The following NDRG3 variants were observed in gnomAD, a reference collection of about 807,000 sequenced individuals.
NDRG3 encodes NDRG family member 3.
NDRG3 carries 23 observed loss-of-function variants against 57.2 expected under a neutral mutation model. The ratio of observed to expected loss-of-function variants is 0.40; its 90% CI spans 0.29 to 0.57. The LOEUF (loss-of-function observed/expected upper bound fraction) is 0.57, where lower values mean the gene tolerates loss of function less well. Ranked by LOEUF, NDRG3 falls within the 20% of genes least tolerant of loss-of-function variation. NDRG3 has a pLI of 0.42. For synonymous variants in NDRG3, 132 were observed against 162.6 expected (o/e 0.81, Z 1.43); for missense variants, 384 against 457.3 (o/e 0.84, Z 1.46).
intron 10 of NDRG3, 63 bp downstream of exon 10, chr20:36,666,226 C>A: frequency 3.2e-6 from 4 of 1,256,012 alleles, no homozygotes; most frequent in East Asian, 2.3e-5. Flanking sequence ...CTCTCTCCTT[C>A]TCCCACCCTC....
intron 1 of NDRG3, among the ~76,000 whole-genome samples, chr20:36,726,891 C>T (rs943405378): frequency 1.3e-5 from 2 of 151,664 alleles, no homozygotes; most frequent in Non-Finnish European, 2.9e-5. Context: ...CATAACAATC[C>T]TCTCTGGTAG....
intron 4 of NDRG3, 44 bp downstream of exon 4, chr20:36,688,635 G>A: frequency 1.5e-6 from 2 of 1,367,772 alleles, no homozygotes; most frequent in Non-Finnish European, 2.1e-6. Flanking sequence ...AACATACAAA[G>A]ATCAAGTATG....
intron 3 of NDRG3, 112 bp downstream of exon 3, chr20:36,706,860 G>A (rs1187037529): frequency 1.2e-6 from 1 of 860,518 alleles, no homozygotes; most frequent in Non-Finnish European, 1.8e-6. Context: ...GAACATTAAG[G>A]ACTCATTATT....
rs1459966892 is a variant in NDRG3 at position 36,653,580 on chromosome 20, T to C, written c.1068A>G (p.Gln356=). The change falls in exon 16 of 16, where the codon CAA becomes CAG. Residue 356 remains glutamine, a synonymous_variant. Coordinates refer to ENST00000349004, the MANE Select transcript of NDRG3 (RefSeq NM_032013.4). The surrounding 1 kb of genome is among the most constrained non-coding windows in gnomAD (Gnocchi z 4.2). ...SVTSNQSDGT[Q]ESCESPDVLD... is the part of the protein sequence containing the mutation. ...GGACATCAGGGGACTCACAGGATTC[T>C]TGAGTTCCATCTGACTGATTGCTGG... The C allele has an allele frequency of 6.2e-7, 1 of 1,614,214 alleles. No homozygotes were observed. The highest frequency in any genetic ancestry group is 2.2e-5 in the East Asian group (1 of 44,890).
intron 3 of NDRG3, 51 bp downstream of exon 3, chr20:36,706,921 A>G (rs779348554): frequency 7.3e-6 from 11 of 1,516,544 alleles, no homozygotes; most frequent in Non-Finnish European, 1.0e-5. Flanking sequence ...AGGAAAGGAA[A>G]CACTGCAGAG....
intron 1 of NDRG3, among the ~76,000 whole-genome samples, chr20:36,730,854 C>T (rs755836666): frequency 6.6e-6 from 1 of 150,376 alleles, no homozygotes; most frequent in Non-Finnish European, 1.5e-5. Flanking sequence ...ATGAGAATCA[C>T]TTAAAACTGG....
intron 2 of NDRG3, among the ~76,000 whole-genome samples, chr20:36,711,298 T>A (rs563259784): frequency 2.5e-4 from 37 of 150,650 alleles, no homozygotes; most frequent in African/African-American, 8.3e-4. Context: ...ATAATAATAA[T>A]AAATAAATAA....
chr20:36,658,229 T>A (rs1384142225), intron 13 of NDRG3, among the ~76,000 whole-genome samples: 1 of 152,138 alleles, frequency 6.6e-6, no homozygotes, highest in Non-Finnish European at 1.5e-5. Context: ...CCTCCCAGGT[T>A]CAAGCGATTC....
At chr20:36,707,117 A>G (rs1339169975) in intron 2 of NDRG3, 110 bp from the exon 3 acceptor site, 1 of 974,002 alleles carries the variant, frequency 1.0e-6, no homozygotes, top group Non-Finnish European at 1.6e-6. Context: ...CTTGGTTGCC[A>G]TAAAACTGAA....
chr20:36,720,082 G>C (rs1277676636), intron 2 of NDRG3, among the ~76,000 whole-genome samples: 1 of 151,020 alleles, frequency 6.6e-6, no homozygotes, highest in Non-Finnish European at 1.5e-5. Flanking sequence ...ACTCCAGCCT[G>C]GGTGACAGAG....
chr20:36,680,595 G>A (rs1981191401), intron 8 of NDRG3, among the ~76,000 whole-genome samples: 1 of 152,122 alleles, frequency 6.6e-6, no homozygotes, highest in Admixed American at 6.6e-5. Context: ...TAATTTCTGG[G>A]AAGGAGAGGA....
At chr20:36,711,502 G>C (rs1600938329) in intron 2 of NDRG3, among the ~76,000 whole-genome samples, 1 of 151,908 alleles carries the variant, frequency 6.6e-6, no homozygotes, top group Non-Finnish European at 1.5e-5. Context: ...AAATTCTGAC[G>C]AGCTCTTTGG....
chr20:36,733,074 A>C (rs1985373424), intron 1 of NDRG3, among the ~76,000 whole-genome samples: 1 of 146,752 alleles, frequency 6.8e-6, no homozygotes, highest in Non-Finnish European at 1.5e-5. Flanking sequence ...TTGAGCCCAG[A>C]AGGTGAAGGC....
At chr20:36,734,124 C>T (rs867400805) in intron 1 of NDRG3, among the ~76,000 whole-genome samples, 5 of 152,080 alleles carry the variant, frequency 3.3e-5, no homozygotes, top group South Asian at 2.1e-4. Context: ...CTTTGGGAGG[C>T]CAAGGCAGGC....
chr20:36,706,862 C>A (rs751736048), intron 3 of NDRG3, 110 bp downstream of exon 3: 9 of 901,084 alleles, frequency 1.0e-5, no homozygotes, highest in Admixed American at 2.4e-5. Context: ...ACATTAAGGA[C>A]TCATTATTAG....
chr20:36,734,708 T>C (rs1985519362), intron 1 of NDRG3, among the ~76,000 whole-genome samples: 1 of 151,916 alleles, frequency 6.6e-6, no homozygotes, highest in South Asian at 2.1e-4. Flanking sequence ...GTTCTATGCA[T>C]TGCAGAATGT....
At chr20:36,654,940 A>G in intron 15 of NDRG3, 1 of 746,454 alleles carries the variant, frequency 1.3e-6, no homozygotes. Flanking sequence ...ACTCTAAGCC[A>G]GGGATAAAAT....
intron 3 of NDRG3, among the ~76,000 whole-genome samples, chr20:36,693,050 G>A (rs1165221803): frequency 8.6e-6 from 1 of 116,934 alleles, no homozygotes; most frequent in Non-Finnish European, 1.7e-5. Flanking sequence ...ACTCCAGCCG[G>A]GGTGACAGCA....
intron 8 of NDRG3, among the ~76,000 whole-genome samples, chr20:36,676,904 ACCCAGG>A (rs1308994982): frequency 6.6e-6 from 1 of 152,226 alleles, no homozygotes; most frequent in Non-Finnish European, 1.5e-5. Context: ...AGAGCCGCAG[ACCCAGG>A]CCTCCTGCTC....
Sources: allele counts gnomAD v4.1 joint callset (sites outside exome capture counted in the v4.1 genomes callset), GRCh38; gene constraint gnomAD v4.1.1; non-coding constraint Gnocchi (gnomAD v3.1); transcripts MANE v1.5; gene names NCBI Gene and HGNC (gene_info 2026-07-23, HGNC 2026-07-21).